SPTLC1: variants seen among roughly 807,000 people sequenced by gnomAD.
The protein encoded by SPTLC1 is serine palmitoyltransferase 1.
A neutral mutation model predicts 68.9 loss-of-function variants in SPTLC1; 55 were observed. That is an observed-to-expected ratio of 0.80 (90% confidence interval 0.64 to 1.00). SPTLC1 has a LOEUF of 1.00. Among genes scored for constraint, SPTLC1 ranks in the 50% least tolerant of loss-of-function variants. The pLI is 0.00. For missense variants in SPTLC1, 449 were observed against 573.1 expected (o/e 0.78, Z 2.21); for synonymous variants, 197 against 201.6 (o/e 0.98, Z 0.19).
rs1324256362 is a variant in SPTLC1, at chr9:92,050,172, C to T, written c.781-105G>A. The stretch of plus-strand genomic sequence containing the variant: ...AAGTATGTACAGCTGACTCTCAATA[C>T]TTGTGAATTCTATATGTGCAAATTC... On this transcript the variant is annotated intron_variant, in intron 8 of 14. Coordinates refer to ENST00000262554, the MANE Select transcript of SPTLC1 (RefSeq NM_006415.4). The T allele has an allele frequency of 4.0e-6, 3 of 746,652 alleles. No individual in the cohort carries two copies. In the East Asian group the frequency reaches 8.0e-5, roughly 20 times the overall value. 46.3% of individuals were successfully genotyped at this position (746,652 alleles called of 1,614,324 possible). A position where few individuals can be genotyped will look rare whatever the true frequency, so the allele number is the denominator to read the frequency against.
intron 9 of SPTLC1, 42 bp from the exon 10 acceptor site, chr9:92,047,750 G>GA (rs747089220): frequency 5.1e-5 from 73 of 1,427,892 alleles, no homozygotes; most frequent in Non-Finnish European, 6.1e-5. Flanking sequence ...ACAGTTTAAA[G>GA]AAAAAAAAGG....
intron 2 of SPTLC1, chr9:92,110,787 C>T (rs1013811680): frequency 2.0e-5 from 3 of 152,142 alleles, no homozygotes; most frequent in Non-Finnish European, 2.9e-5. Context: ...CCTGCAAAGC[C>T]GCAGTAGGCC....
At chr9:92,042,332 C>T (rs139393846) in intron 12 of SPTLC1, among the ~76,000 whole-genome samples, 64 of 152,230 alleles carry the variant, frequency 4.2e-4, no homozygotes, top group Middle Eastern at 3.4e-3. Flanking sequence ...AGAGAGAACA[C>T]CATTATTGCA....
chr9:92,079,568 TA>T (rs754777879), intron 5 of SPTLC1: 3 of 1,612,658 alleles, frequency 1.9e-6, no homozygotes, highest in Non-Finnish European at 2.5e-6. Flanking sequence ...ATCTTCATTC[TA>T]GAAAGATAAA....
chr9:92,045,881 T>C (rs77971588), intron 12 of SPTLC1, 118 bp downstream of exon 12: 13,609 of 825,994 alleles, frequency 0.016, 393 homozygotes, highest in African/African-American at 0.096. Flanking sequence ...ACTAAGTTTT[T>C]GGTTTCTTAG....
intron 3 of SPTLC1, among the ~76,000 whole-genome samples, chr9:92,088,349 G>A (rs955692852): frequency 1.1e-4 from 16 of 152,256 alleles, no homozygotes; most frequent in African/African-American, 3.9e-4. Context: ...CGCTCACGCT[G>A]GGAGCTGTAG....
At chr9:92,061,166 A>C (rs566218584) in intron 6 of SPTLC1, among the ~76,000 whole-genome samples, 1 of 152,342 alleles carries the variant, frequency 6.6e-6, no homozygotes, top group African/African-American at 2.4e-5. Context: ...AGCAAAATCC[A>C]TACGGACTAA....
At chr9:92,062,737 G>T (rs1834148603) in intron 6 of SPTLC1, among the ~76,000 whole-genome samples, 1 of 152,156 alleles carries the variant, frequency 6.6e-6, no homozygotes, top group Non-Finnish European at 1.5e-5. Context: ...CCAGGAGGCT[G>T]AAGCAAAAGA....
chr9:92,086,523 A>C lies in SPTLC1; in HGVS notation c.261-5560T>G, dbSNP rs1835140242. ...ACGAAGCTTAGTTTGGCTGGATATGAAATTCTGGGTTGAAAATTCTTTTCT... is the reference window on the plus strand; with the variant it reads ...ACGAAGCTTAGTTTGGCTGGATATGCAATTCTGGGTTGAAAATTCTTTTCT... On this transcript the variant is annotated intron_variant, in intron 3 of 14. Transcript: ENST00000262554. Among the ~76,000 whole-genome samples the C allele has an allele frequency of 5.9e-5, 9 of 152,300 alleles. No individual in the cohort carries two copies. The South Asian group carries it at 1.9e-3, about 32-fold the overall frequency.
intron 3 of SPTLC1, among the ~76,000 whole-genome samples, chr9:92,097,061 G>A (rs1320825551): frequency 2.0e-5 from 3 of 152,290 alleles, no homozygotes; most frequent in South Asian, 2.1e-4. Flanking sequence ...CCAATAAGCC[G>A]ATGAAAAGGT....
intron 12 of SPTLC1, among the ~76,000 whole-genome samples, chr9:92,044,097 T>G (rs757671681): frequency 1.3e-5 from 2 of 152,180 alleles, no homozygotes; most frequent in Non-Finnish European, 2.9e-5. Context: ...GGATACTGAG[T>G]AGGCAACTGG....
chr9:92,037,694 A>C (rs1377176858), intron 13 of SPTLC1, among the ~76,000 whole-genome samples: 1 of 152,232 alleles, frequency 6.6e-6, no homozygotes, highest in Non-Finnish European at 1.5e-5. Flanking sequence ...AATTAGTAGT[A>C]AAATAACTTT....
intron 3 of SPTLC1, among the ~76,000 whole-genome samples, chr9:92,096,950 T>C (rs1237362509): frequency 1.3e-5 from 2 of 151,830 alleles, no homozygotes; most frequent in Non-Finnish European, 2.9e-5. Flanking sequence ...GGATTCAAAA[T>C]ATATAAAGAA....
intron 5 of SPTLC1, chr9:92,079,507 T>G: frequency 6.2e-7 from 1 of 1,613,590 alleles, no homozygotes; most frequent in Non-Finnish European, 8.5e-7. Flanking sequence ...ATCAAATATT[T>G]AGTTGGCCTG....
chr9:92,110,498 T>C (rs1327719424), intron 2 of SPTLC1: 1 of 152,254 alleles, frequency 6.6e-6, no homozygotes. Flanking sequence ...CAAAAAGGAT[T>C]AGATTGAGTT....
In SPTLC1 at chr9:92,046,297, A is replaced by C. The variant is rs1259199666; in HGVS notation, c.1082-244T>G. 3 of 553,020 alleles carry C rather than the reference A, an allele frequency of 5.4e-6. No homozygotes were observed. The African/African-American group carries it at 5.7e-5, about 10-fold the overall frequency. The allele number at this position is 553,020 out of a possible 1,614,324, so 34.3% of individuals were successfully genotyped here. On this transcript the variant is annotated intron_variant, in intron 11 of 14. Coordinates refer to ENST00000262554, the MANE Select transcript of SPTLC1 (RefSeq NM_006415.4). ...AACCTGGAATGATGCTTTCAAGAAC[A>C]ATCAATGCCTCTTGTTCTCATCAAG...
At chr9:92,051,165 C>A in intron 8 of SPTLC1, 1 of 981,344 alleles carries the variant, frequency 1.0e-6, no homozygotes, top group Non-Finnish European at 1.2e-6. Flanking sequence ...ACAAATACAT[C>A]TCTTCTATTG....
intron 13 of SPTLC1, among the ~76,000 whole-genome samples, chr9:92,036,178 G>T (rs1392504332): frequency 6.6e-6 from 1 of 152,200 alleles, no homozygotes; most frequent in Non-Finnish European, 1.5e-5. Flanking sequence ...ATAGTATTCT[G>T]TTCCCTACCC....
In SPTLC1 at chr9:92,032,301, T is replaced by A; in HGVS notation, c.*164A>T. On this transcript the variant is annotated 3_prime_UTR_variant, in exon 15 of 15. Coordinates refer to ENST00000262554, the MANE Select transcript of SPTLC1 (RefSeq NM_006415.4). ...GTTTTCTTTTTAAAAAAAATAAGCA[T>A]CCTTCTCATGGTCACACAATTGGTC... 6.5e-7 allele frequency: 1 copy of A among 1,537,406 alleles called. No individual in the cohort carries two copies. The highest frequency in any genetic ancestry group is 8.7e-7 in the Non-Finnish European group (1 of 1,146,736).
Sources: gnomAD v4.1 joint callset for allele counts (sites outside exome capture counted in the v4.1 genomes callset) on GRCh38, gnomAD v4.1.1 for gene constraint, MANE v1.5 for transcripts, NCBI Gene and HGNC (gene_info 2026-07-23, HGNC 2026-07-21) for gene names.